The following EFNA5 variants were observed in gnomAD, a reference collection of about 807,000 sequenced individuals.
The protein encoded by EFNA5 is ephrin A5.
In EFNA5, 5 loss-of-function variants were observed where a neutral mutation model predicts 22.9. The ratio of observed to expected loss-of-function variants is 0.22; its 90% CI spans 0.11 to 0.46. The LOEUF (loss-of-function observed/expected upper bound fraction) is 0.46, where lower values mean the gene tolerates loss of function less well. EFNA5 is among the 20% of genes least tolerant of loss of function. EFNA5 has a pLI of 0.99. For missense variants in EFNA5, 237 were observed against 293.3 expected, an observed-to-expected ratio of 0.81 and a Z score of 1.40; for synonymous variants, 113 against 112.2, an observed-to-expected ratio of 1.01 and a Z score of -0.04.
intron 1 of EFNA5, among the ~76,000 whole-genome samples, chr5:107,557,098 T>C (rs1028578141): frequency 6.6e-6 from 1 of 152,136 alleles, no homozygotes; most frequent in Non-Finnish European, 1.5e-5. Flanking sequence ...TAAAACCACC[T>C]ACATCTCCCT....
Position 107,640,976 on chromosome 5 carries a change from G to GTAGATAGATAGATAGA in EFNA5, c.125+29497_125+29512dup, listed in dbSNP as rs55898305. ...ACCTGGTAGGTAGGTAGGTAGGCAG[G>GTAGATAGATAGATAGA]TAGATAGATAGATAGATAGATAGAT... On this transcript the variant is annotated intron_variant, in intron 1 of 4. Coordinates refer to ENST00000333274, the MANE Select transcript of EFNA5 (RefSeq NM_001962.3). Among the ~76,000 whole-genome samples, 366 of 145,558 alleles carry GTAGATAGATAGATAGA rather than the reference G, an allele frequency of 2.5e-3. 3 individuals are homozygous for GTAGATAGATAGATAGA. The highest frequency in any genetic ancestry group is 9.6e-3 in the South Asian group (43 of 4,466).
Position 107,630,132 on chromosome 5 carries a change from G to A in EFNA5, c.125+40357C>T, listed in dbSNP as rs1750219061. ...AGCTCATCAGCTATCATTAGTGTTAGTGTATTTTATGTGTGACCCAAGACA... is the reference window on the plus strand; with the variant it reads ...AGCTCATCAGCTATCATTAGTGTTAATGTATTTTATGTGTGACCCAAGACA... On this transcript the variant is annotated intron_variant, in intron 1 of 4. Transcript: ENST00000333274. Among the ~76,000 whole-genome samples the A allele has an allele frequency of 2.0e-5, 3 of 152,070 alleles. No homozygotes were observed. The South Asian group carries it at 6.2e-4, about 32-fold the overall frequency.
At chr5:107,449,515 C>G (rs906209382) in intron 1 of EFNA5, among the ~76,000 whole-genome samples, 1 of 151,880 alleles carries the variant, frequency 6.6e-6, no homozygotes, top group Non-Finnish European at 1.5e-5. Flanking sequence ...CCCTCCCCGC[C>G]CCCCCAACTA....
chr5:107,518,681 C>T (rs532747377), intron 1 of EFNA5, among the ~76,000 whole-genome samples: 3 of 152,246 alleles, frequency 2.0e-5, no homozygotes, highest in South Asian at 4.1e-4. Context: ...TCAGTAACCT[C>T]AGCTCCCCCA....
At chr5:107,573,034 C>A (rs1213452392) in intron 1 of EFNA5, among the ~76,000 whole-genome samples, 1 of 152,146 alleles carries the variant, frequency 6.6e-6, no homozygotes, top group Non-Finnish European at 1.5e-5. Flanking sequence ...TTAAGACAAC[C>A]AAAAAGAAAC....
At position 107,666,098 on chromosome 5, in the gene EFNA5, A is replaced by G. The variant is rs562675057; in HGVS notation, c.125+4391T>C. 5.9e-5 allele frequency among the ~76,000 whole-genome samples: 9 copies of G among 152,314 alleles called. No homozygotes were observed. In the South Asian group the frequency reaches 1.9e-3, roughly 32 times the overall value. On this transcript the variant is annotated intron_variant, in intron 1 of 4. Transcript: ENST00000333274. Reference sequence around the variant, plus strand: ...AAATTTCAAAAGTAAGGACAATCTAAGTTTTGTGATGAAACTCATTCAAGA... The same window carrying G: ...AAATTTCAAAAGTAAGGACAATCTAGGTTTTGTGATGAAACTCATTCAAGA...
At position 107,502,988 on chromosome 5, in the gene EFNA5, A is replaced by G. The variant is rs539844870; in HGVS notation, c.126-75479T>C. On this transcript the variant is annotated intron_variant, in intron 1 of 4. Transcript: ENST00000333274. ...AGCTTGCTAAATTTACCCAAAACAAATAGAATTACAGGCTTTTGCCCGAGT... is the reference window on the plus strand; with the variant it reads ...AGCTTGCTAAATTTACCCAAAACAAGTAGAATTACAGGCTTTTGCCCGAGT... Among the ~76,000 whole-genome samples the G allele has an allele frequency of 7.7e-4, 117 of 152,316 alleles. 1 individual carries two copies. The highest frequency in any genetic ancestry group is 2.8e-3 in the African/African-American group (115 of 41,574).
chr5:107,625,962 G>T (rs962640791), intron 1 of EFNA5, among the ~76,000 whole-genome samples: 10 of 152,158 alleles, frequency 6.6e-5, no homozygotes, highest in African/African-American at 1.7e-4. Context: ...TATAGCTACA[G>T]ACACATTGAA....
intron 1 of EFNA5, among the ~76,000 whole-genome samples, chr5:107,648,386 T>C (rs533257284): frequency 1.2e-3 from 177 of 152,322 alleles, no homozygotes; most frequent in Non-Finnish European, 1.8e-3. Context: ...AAATACTATA[T>C]ACAAGTACCC....
At chr5:107,658,052 TAG>T (rs1223838710) in intron 1 of EFNA5, among the ~76,000 whole-genome samples, 1 of 152,148 alleles carries the variant, frequency 6.6e-6, no homozygotes, top group Admixed American at 6.6e-5. Context: ...ACTAGAATCA[TAG>T]AACTTTACAG....
chr5:107,443,633 T>G (rs1355883594), intron 1 of EFNA5, among the ~76,000 whole-genome samples: 1 of 152,110 alleles, frequency 6.6e-6, no homozygotes, highest in Non-Finnish European at 1.5e-5. Flanking sequence ...TGCCACATGT[T>G]CTTACTCATA....
chr5:107,616,174 G>C (rs1024418029), intron 1 of EFNA5, among the ~76,000 whole-genome samples: 10 of 152,122 alleles, frequency 6.6e-5, no homozygotes, highest in African/African-American at 2.2e-4. Flanking sequence ...GAATGAAAGC[G>C]AATTATAAGA....
chr5:107,490,785 C>T (rs538690718), intron 1 of EFNA5, among the ~76,000 whole-genome samples: 47 of 152,306 alleles, frequency 3.1e-4, no homozygotes, highest in Non-Finnish European at 5.1e-4. Context: ...TCTTTACTTA[C>T]TGTGTCACCA....
rs1751180871 is a variant in EFNA5, at chr5:107,670,782, A to C, written c.-169T>G. Reference sequence around the variant, plus strand: ...GAAAGAGGCGCCCACCAAGCTGGGGAGGGGTAGGAGAGCGAGAAGAAAAGA... The same window carrying C: ...GAAAGAGGCGCCCACCAAGCTGGGGCGGGGTAGGAGAGCGAGAAGAAAAGA... On this transcript the variant is annotated 5_prime_UTR_variant, in exon 1 of 5. Transcript: ENST00000333274. The C allele has an allele frequency of 1.0e-5, 9 of 882,268 alleles. No individual in the cohort carries two copies. In the South Asian group the frequency reaches 1.6e-4, roughly 15 times the overall value. The allele number at this position is 882,268 out of a possible 1,614,324, so 54.7% of individuals were successfully genotyped here.
At chr5:107,517,882 T>C (rs1400506783) in intron 1 of EFNA5, among the ~76,000 whole-genome samples, 1 of 152,230 alleles carries the variant, frequency 6.6e-6, no homozygotes, top group Admixed American at 6.5e-5. Flanking sequence ...GTCTACTCAA[T>C]TGTCAGGGTC....
At chr5:107,457,750 T>G (rs775844164) in intron 1 of EFNA5, among the ~76,000 whole-genome samples, 1 of 152,192 alleles carries the variant, frequency 6.6e-6, no homozygotes, top group Non-Finnish European at 1.5e-5. Flanking sequence ...ATGGGAATGC[T>G]CTGTACTATC....
chr5:107,415,136 A>T (rs1748470351), intron 2 of EFNA5, among the ~76,000 whole-genome samples: 1 of 152,172 alleles, frequency 6.6e-6, no homozygotes, highest in African/African-American at 2.4e-5. Flanking sequence ...TCGGAACAAT[A>T]ACAGTGCCTA....
intron 1 of EFNA5, among the ~76,000 whole-genome samples, chr5:107,661,535 C>T (rs1750961071): frequency 6.6e-6 from 1 of 152,266 alleles, no homozygotes; most frequent in South Asian, 2.1e-4. Context: ...CAGAGGTCAC[C>T]GCTTCCACAT....
intron 2 of EFNA5, among the ~76,000 whole-genome samples, chr5:107,425,131 A>G (rs999902213): frequency 6.6e-6 from 1 of 152,222 alleles, no homozygotes; most frequent in Non-Finnish European, 1.5e-5. Context: ...AATGTTATAG[A>G]AGTCACATAA....
Sources: gnomAD v4.1 joint callset for allele counts (sites outside exome capture counted in the v4.1 genomes callset) on GRCh38, gnomAD v4.1.1 for gene constraint, MANE v1.5 for transcripts, NCBI Gene and HGNC (gene_info 2026-07-23, HGNC 2026-07-21) for gene names.